The following GALNTL6 variants were observed in gnomAD, a reference collection of about 807,000 sequenced individuals.
The protein encoded by GALNTL6 is polypeptide N-acetylgalactosaminyltransferase like 6, also known as polypeptide N-acetylgalactosaminyltransferase-like 6.
Under a neutral mutation model 73.7 loss-of-function variants are expected in GALNTL6, and 46 were observed. That is an observed-to-expected ratio of 0.62 (90% CI 0.49 to 0.80). The LOEUF (loss-of-function observed/expected upper bound fraction) is 0.80, where lower values mean the gene tolerates loss of function less well. Among genes scored for constraint, GALNTL6 ranks in the 30% least tolerant of loss-of-function variants. The pLI, the probability that GALNTL6 is intolerant of heterozygous loss-of-function variation, is 0.00. For synonymous variants in GALNTL6, 259 were observed against 263.7 expected (o/e 0.98, Z 0.17); for missense variants, 604 against 755.0 (o/e 0.80, Z 2.34).
At chr4:172,878,685 G>A (rs192962726) in intron 7 of GALNTL6, among the ~76,000 whole-genome samples, 7 of 151,472 alleles carry the variant, frequency 4.6e-5, no homozygotes, top group East Asian at 1.9e-4. Flanking sequence ...AAAAATATTC[G>A]GTTAATCAAA....
intron 2 of GALNTL6, among the ~76,000 whole-genome samples, chr4:172,102,937 T>C (rs6846244): frequency 0.41 from 61,646 of 151,944 alleles, 13,052 homozygotes; most frequent in African/African-American, 0.5. Flanking sequence ...ATTATTGAGT[T>C]GGAGTGATGG....
intron 3 of GALNTL6, among the ~76,000 whole-genome samples, chr4:172,296,200 T>G (rs1354467199): frequency 6.6e-6 from 1 of 152,196 alleles, no homozygotes; most frequent in Non-Finnish European, 1.5e-5. Context: ...CGGCTTTTAC[T>G]CCAATGAATA....
At chr4:172,047,160 C>T (rs1217635266) in intron 2 of GALNTL6, among the ~76,000 whole-genome samples, 2 of 152,160 alleles carry the variant, frequency 1.3e-5, no homozygotes, top group African/African-American at 2.4e-5. Flanking sequence ...GACCCAATTG[C>T]TGCCACTTTG....
chr4:172,481,852 G>C (rs1733493862), intron 5 of GALNTL6, among the ~76,000 whole-genome samples: 1 of 152,206 alleles, frequency 6.6e-6, no homozygotes, highest in Non-Finnish European at 1.5e-5. Context: ...CAGGGGAATG[G>C]GCAGAACTGC....
chr4:172,646,800 T>G (rs1740263533), intron 5 of GALNTL6, among the ~76,000 whole-genome samples: 1 of 152,084 alleles, frequency 6.6e-6, no homozygotes. Context: ...TCAATCATAT[T>G]GTTTAACAAC....
chr4:172,339,680 G>C (rs942683742), intron 4 of GALNTL6, among the ~76,000 whole-genome samples: 2 of 152,148 alleles, frequency 1.3e-5, no homozygotes, highest in African/African-American at 4.8e-5. Flanking sequence ...CTCTCCCCAA[G>C]TTAGCTCCAA....
chr4:172,886,925 A>G (rs1205961427), intron 8 of GALNTL6, among the ~76,000 whole-genome samples: 1 of 152,230 alleles, frequency 6.6e-6, no homozygotes, highest in Non-Finnish European at 1.5e-5. Flanking sequence ...AATTGAATGC[A>G]TCACCCACAT....
intron 2 of GALNTL6, among the ~76,000 whole-genome samples, chr4:172,108,217 G>A (rs1732742416): frequency 6.6e-6 from 1 of 152,138 alleles, no homozygotes; most frequent in African/African-American, 2.4e-5. Flanking sequence ...CATCACTGAG[G>A]TTCTAAGTGA....
intron 5 of GALNTL6, among the ~76,000 whole-genome samples, chr4:172,721,906 G>A (rs1735495885): frequency 1.3e-5 from 2 of 152,050 alleles, no homozygotes; most frequent in Admixed American, 1.3e-4. Flanking sequence ...AGACTCCACT[G>A]CCAGCATCAT....
At chr4:172,749,336 A>T (rs1311956519) in intron 5 of GALNTL6, among the ~76,000 whole-genome samples, 3 of 152,162 alleles carry the variant, frequency 2.0e-5, no homozygotes, top group Non-Finnish European at 4.4e-5. Context: ...TAATATTTAA[A>T]CCATGTGAAC....
chr4:172,202,204 TC>T (rs1420774812), intron 2 of GALNTL6, among the ~76,000 whole-genome samples: 1 of 152,178 alleles, frequency 6.6e-6, no homozygotes, highest in Middle Eastern at 3.2e-3. Context: ...TTTGCCAGTT[TC>T]TTTGTAATTG....
intron 2 of GALNTL6, among the ~76,000 whole-genome samples, chr4:171,828,481 C>T (rs191737913): frequency 1.3e-5 from 2 of 152,158 alleles, no homozygotes; most frequent in African/African-American, 2.4e-5. Flanking sequence ...TTGTTTGATA[C>T]GTACCGTAGA....
chr4:172,029,692 G>A (rs879907531), intron 2 of GALNTL6, among the ~76,000 whole-genome samples: 1 of 151,974 alleles, frequency 6.6e-6, no homozygotes, highest in Non-Finnish European at 1.5e-5. Context: ...CATCCCTAGT[G>A]GCTGTGACTC....
intron 5 of GALNTL6, among the ~76,000 whole-genome samples, chr4:172,782,585 A>G (rs888037421): frequency 1.2e-4 from 18 of 152,096 alleles, no homozygotes; most frequent in Non-Finnish European, 1.2e-4. Context: ...CGTCTGTTGA[A>G]TCTATCTCCC....
intron 2 of GALNTL6, among the ~76,000 whole-genome samples, chr4:172,158,148 C>T (rs1266879673): frequency 6.6e-6 from 1 of 152,136 alleles, no homozygotes; most frequent in African/African-American, 2.4e-5. Flanking sequence ...GTAATCAGCA[C>T]CAGCAGATGG....
chr4:172,855,606 T>G (rs1744083822), intron 7 of GALNTL6, among the ~76,000 whole-genome samples: 1 of 152,208 alleles, frequency 6.6e-6, no homozygotes, highest in Admixed American at 6.6e-5. Flanking sequence ...CTCAGGCCAC[T>G]GTCTAAGGCT....
rs1349683420 is a variant in GALNTL6 at position 172,277,579 on chromosome 4, A to G, written c.248-34035A>G. Among the ~76,000 whole-genome samples, 4 of 152,216 alleles carry G rather than the reference A, an allele frequency of 2.6e-5. No homozygotes were observed. In the East Asian group the frequency reaches 7.7e-4, roughly 29 times the overall value. On this transcript the variant is annotated intron_variant, in intron 3 of 12. Transcript: ENST00000506823. ...AGGGGAAATGGAAAGTCAAAAATTG[A>G]TAACTATTTTTGTTCCATAATAACA...
chr4:172,121,612 GAGTA>G (rs1440015760), intron 2 of GALNTL6, among the ~76,000 whole-genome samples: 5 of 152,078 alleles, frequency 3.3e-5, no homozygotes, highest in African/African-American at 1.2e-4. Flanking sequence ...AGTAATTGAT[GAGTA>G]AGTCAGTGTC....
intron 2 of GALNTL6, among the ~76,000 whole-genome samples, chr4:171,917,156 T>C (rs1022953836): frequency 6.6e-6 from 1 of 152,098 alleles, no homozygotes; most frequent in Non-Finnish European, 1.5e-5. Context: ...AGTGTGATTA[T>C]GTGAATAACT....
Sources: gnomAD v4.1 joint callset for allele counts (sites outside exome capture counted in the v4.1 genomes callset) on GRCh38, gnomAD v4.1.1 for gene constraint, MANE v1.5 for transcripts, NCBI Gene and HGNC (gene_info 2026-07-23, HGNC 2026-07-21) for gene names.